The following FGF14 variants were observed in gnomAD, a reference collection of about 807,000 sequenced individuals.
The protein encoded by FGF14 is fibroblast growth factor homologous factor 4.
A neutral mutation model predicts 25.5 loss-of-function variants in FGF14; 5 were observed. That is an observed-to-expected ratio of 0.20 (90% CI 0.10 to 0.41). The LOEUF (loss-of-function observed/expected upper bound fraction) is 0.41, where lower values mean the gene tolerates loss of function less well. Among genes scored for constraint, FGF14 ranks in the 10% least tolerant of loss-of-function variants. The pLI is 1.00. For missense variants in FGF14, 222 were observed against 320.1 expected (o/e 0.69, Z 2.34); for synonymous variants, 138 against 118.3 (o/e 1.17, Z -1.08).
chr13:101,923,871 AC>A (rs2034180200), intron 1 of FGF14, among the ~76,000 whole-genome samples: 1 of 152,128 alleles, frequency 6.6e-6, no homozygotes, highest in African/African-American at 2.4e-5. Flanking sequence ...TAGAAGCAAT[AC>A]CAGATTGATA....
At chr13:102,128,418 G>A (rs944632544) in intron 1 of FGF14, among the ~76,000 whole-genome samples, 1 of 152,170 alleles carries the variant, frequency 6.6e-6, no homozygotes, top group Non-Finnish European at 1.5e-5. Flanking sequence ...AGGTCCCCGC[G>A]GTGTTACTGT....
chr13:102,363,312 T>C (rs2057619219), intron 1 of FGF14, among the ~76,000 whole-genome samples: 1 of 152,210 alleles, frequency 6.6e-6, no homozygotes, highest in Non-Finnish European at 1.5e-5. Context: ...TTCACTGATT[T>C]AGAAAGAAAA....
intron 1 of FGF14, among the ~76,000 whole-genome samples, chr13:101,915,423 TAA>T (rs923978473): frequency 6.6e-5 from 10 of 152,162 alleles, no homozygotes; most frequent in Admixed American, 2.0e-4. Flanking sequence ...CCCATTAACG[TAA>T]ATAGATTCTT....
intron 1 of FGF14, among the ~76,000 whole-genome samples, chr13:101,908,487 A>G (rs1210535763): frequency 6.6e-6 from 1 of 152,194 alleles, no homozygotes; most frequent in African/African-American, 2.4e-5. Context: ...AGTACTCAAT[A>G]GACACAGAGT....
At chr13:101,910,628 T>C (rs1284289723) in intron 1 of FGF14, among the ~76,000 whole-genome samples, 1 of 152,098 alleles carries the variant, frequency 6.6e-6, no homozygotes, top group East Asian at 1.9e-4. Flanking sequence ...GTGTAGACAC[T>C]GTGTCTGCAT....
intron 1 of FGF14, among the ~76,000 whole-genome samples, chr13:102,291,325 A>G (rs2054382776): frequency 6.6e-6 from 1 of 152,172 alleles, no homozygotes; most frequent in Admixed American, 6.5e-5. Flanking sequence ...GTAATTTTAT[A>G]TATGGGGTTT....
At chr13:102,079,012 T>A (rs1412040548) in intron 1 of FGF14, among the ~76,000 whole-genome samples, 1 of 152,096 alleles carries the variant, frequency 6.6e-6, no homozygotes, top group Non-Finnish European at 1.5e-5. Context: ...CCCAACAGAC[T>A]TGGTGGTTCT....
chr13:101,783,347 A>G (rs926489696), intron 3 of FGF14, among the ~76,000 whole-genome samples: 6 of 152,004 alleles, frequency 3.9e-5, no homozygotes, highest in African/African-American at 1.4e-4. Context: ...GCACATGCCC[A>G]TAATCCCAGC....
intron 1 of FGF14, among the ~76,000 whole-genome samples, chr13:102,350,831 C>T (rs2057256364): frequency 6.6e-6 from 1 of 152,196 alleles, no homozygotes; most frequent in African/African-American, 2.4e-5. Context: ...AAGTTTCTCT[C>T]GAATGTCTAT....
intron 1 of FGF14, among the ~76,000 whole-genome samples, chr13:102,048,318 C>A (rs983109382): frequency 1.2e-4 from 18 of 152,192 alleles, no homozygotes; most frequent in Admixed American, 6.5e-5. Flanking sequence ...AATACCTGTA[C>A]TGCATGGTTG....
chr13:101,993,900 C>T (rs1315472165), intron 1 of FGF14, among the ~76,000 whole-genome samples: 1 of 151,438 alleles, frequency 6.6e-6, no homozygotes, highest in Non-Finnish European at 1.5e-5. Flanking sequence ...TGCACATGTA[C>T]CCTAAAACTT....
intron 1 of FGF14, among the ~76,000 whole-genome samples, chr13:102,358,836 T>C (rs2139024968): frequency 6.6e-6 from 1 of 152,266 alleles, no homozygotes; most frequent in Non-Finnish European, 1.5e-5. Flanking sequence ...CAGATTCAGA[T>C]AAGATTTATA....
intron 1 of FGF14, among the ~76,000 whole-genome samples, chr13:102,169,783 G>C (rs2048172135): frequency 6.6e-6 from 1 of 151,946 alleles, no homozygotes; most frequent in Non-Finnish European, 1.5e-5. Context: ...CCACGTGGAA[G>C]TTGCTGACCA....
At chr13:101,740,237 G>A (rs1488915973) in intron 3 of FGF14, among the ~76,000 whole-genome samples, 2 of 152,150 alleles carry the variant, frequency 1.3e-5, no homozygotes, top group South Asian at 4.1e-4. Flanking sequence ...GAGAGGTTTT[G>A]TCTGCGGCTC....
intron 1 of FGF14, among the ~76,000 whole-genome samples, chr13:101,933,689 G>A (rs534508507): frequency 5.9e-5 from 9 of 152,158 alleles, no homozygotes; most frequent in East Asian, 3.9e-4. Context: ...GCACCACTGC[G>A]ATCCAGCCTG....
At chr13:101,870,946 C>T (rs1195360546) in intron 2 of FGF14, among the ~76,000 whole-genome samples, 2 of 151,344 alleles carry the variant, frequency 1.3e-5, no homozygotes, top group Non-Finnish European at 2.9e-5. Flanking sequence ...AGCGAAACTC[C>T]ATCTCAAAAA....
chr13:102,020,411 G>A (rs2040575226), intron 1 of FGF14, among the ~76,000 whole-genome samples: 1 of 152,032 alleles, frequency 6.6e-6, no homozygotes, highest in South Asian at 2.1e-4. Context: ...AGCCAGGCGT[G>A]GTGGTGCATG....
rs1328850485 is a variant in FGF14, at chr13:101,719,892, C to T, written c.*2939G>A. ...GGGGAAAAAAATGGCGAAGTCTTAT[C>T]CCAAACAAATAGCAAGAGAGGTATC... On this transcript the variant is annotated 3_prime_UTR_variant, in exon 5 of 5. Transcript: ENST00000376143. 1 of 151,980 alleles carries T rather than the reference C, an allele frequency of 6.6e-6. No homozygotes were observed. Among genetic ancestry groups the T allele is most frequent in the Non-Finnish European group, 1.5e-5 (1 of 68,000 alleles). The allele number at this position is 151,980 out of a possible 1,614,324, so 9.4% of individuals were successfully genotyped here.
At chr13:101,732,201 A>G (rs1422323567) in intron 3 of FGF14, among the ~76,000 whole-genome samples, 3 of 152,196 alleles carry the variant, frequency 2.0e-5, no homozygotes, top group Non-Finnish European at 4.4e-5. Context: ...GAATTAGCCC[A>G]CCAACTCCAC....
Sources: allele counts gnomAD v4.1 joint callset (sites outside exome capture counted in the v4.1 genomes callset), GRCh38; gene constraint gnomAD v4.1.1; transcripts MANE v1.5; gene names NCBI Gene and HGNC (gene_info 2026-07-23, HGNC 2026-07-21).